CCDC83: variants seen among roughly 807,000 people sequenced by gnomAD.
The protein encoded by CCDC83 is coiled-coil domain-containing protein 83.
Under a neutral mutation model 50.1 loss-of-function variants are expected in CCDC83, and 54 were observed. The observed-to-expected ratio is 1.08, with a 90% CI of 0.87 to 1.35. The LOEUF is 1.35. Ranked by LOEUF, CCDC83 falls within the 40% of genes most tolerant of loss-of-function variation. The probability of loss-of-function intolerance (pLI) is 0.00; values close to 1 mark genes in which losing one functional copy is unlikely to be tolerated. For missense variants in CCDC83, 518 were observed against 473.9 expected (o/e 1.09, Z -0.86); for synonymous variants, 161 against 153.3 (o/e 1.05, Z -0.37).
rs779218488 is a variant in CCDC83, at chr11:85,886,276, C to T, written c.420C>T (p.Tyr140=). The change falls in exon 5 of 11, where the codon TAC becomes TAT. Residue 140 remains tyrosine, a synonymous_variant. Transcript: ENST00000342404. Reference sequence around the variant, plus strand: ...GTGAAAAGGAATATTGGGAGGAGTACAAGAATGTAGGGAGTGAACGACATG... The same window carrying T: ...GTGAAAAGGAATATTGGGAGGAGTATAAGAATGTAGGGAGTGAACGACATG... ...KLSEKEYWEE[Y]KNVGSERHAK... The T allele has an allele frequency of 5.6e-6, 9 of 1,609,280 alleles. No homozygotes were observed. Among genetic ancestry groups the T allele is most frequent in the South Asian group, 4.4e-5 (4 of 90,218 alleles).
intron 7 of CCDC83, among the ~76,000 whole-genome samples, chr11:85,910,538 T>C (rs150967914): frequency 1.4e-3 from 209 of 152,372 alleles, no homozygotes; most frequent in African/African-American, 4.8e-3. Context: ...CCCAGTGTTA[T>C]TGGTTTTCAT....
intron 1 of CCDC83, among the ~76,000 whole-genome samples, chr11:85,864,657 C>T (rs1012965377): frequency 1.3e-5 from 2 of 152,126 alleles, no homozygotes; most frequent in South Asian, 2.1e-4. Context: ...ATTCTTAAGT[C>T]TTTTGGATCC....
At chr11:85,911,445 T>C (rs773306677) in intron 8 of CCDC83, 43 bp downstream of exon 8, 1 of 1,482,888 alleles carries the variant, frequency 6.7e-7, no homozygotes, top group Non-Finnish European at 9.0e-7. Context: ...TAAACATTTG[T>C]ATCTGCTGTA....
chr11:85,875,265 C>G lies in CCDC83; in HGVS notation c.180+1970C>G, dbSNP rs905483940. Among the ~76,000 whole-genome samples the G allele has an allele frequency of 1.1e-4, 16 of 152,332 alleles. No individual in the cohort carries two copies. In the East Asian group the frequency reaches 2.9e-3, roughly 28 times the overall value. ...AAATAGGTGAAGGATGAGGACCAAT[C>G]AGAGGAAAGCTCGCCAAACAGGAAG... On this transcript the variant is annotated intron_variant, in intron 3 of 10. Coordinates refer to ENST00000342404, the MANE Select transcript of CCDC83 (RefSeq NM_001286159.2).
intron 7 of CCDC83, among the ~76,000 whole-genome samples, chr11:85,900,046 C>T (rs2093393855): frequency 6.6e-6 from 1 of 152,028 alleles, no homozygotes; most frequent in Admixed American, 6.6e-5. Context: ...TTGGATGAAA[C>T]GAGAAGGTAT....
intron 3 of CCDC83, among the ~76,000 whole-genome samples, chr11:85,875,933 A>C (rs900627861): frequency 1.3e-5 from 2 of 152,116 alleles, no homozygotes; most frequent in African/African-American, 4.8e-5. Context: ...CTCTCCATTC[A>C]TTCTTTCATT....
intron 3 of CCDC83, among the ~76,000 whole-genome samples, chr11:85,875,163 G>C (rs186657982): frequency 6.6e-6 from 1 of 152,324 alleles, no homozygotes; most frequent in East Asian, 1.9e-4. Context: ...TGTGCTGATT[G>C]GTTTCTGAGC....
intron 2 of CCDC83, among the ~76,000 whole-genome samples, chr11:85,866,361 G>A (rs2093206640): frequency 7.4e-6 from 1 of 134,742 alleles, no homozygotes. Flanking sequence ...ATGAAGCATG[G>A]GAGACAGACA....
At chr11:85,903,511 C>A (rs960354701) in intron 7 of CCDC83, among the ~76,000 whole-genome samples, 2 of 151,838 alleles carry the variant, frequency 1.3e-5, no homozygotes, top group Non-Finnish European at 2.9e-5. Flanking sequence ...TCATGTTGAC[C>A]AGGCTGGTCT....
chr11:85,906,892 T>A (rs895257), intron 7 of CCDC83, among the ~76,000 whole-genome samples: 11,988 of 147,146 alleles, frequency 0.081, 765 homozygotes, highest in African/African-American at 0.13. Flanking sequence ...CTCAAAAAAT[T>A]AAATTAAATT....
intron 6 of CCDC83, 57 bp from the exon 7 acceptor site, chr11:85,898,890 C>A: frequency 8.6e-7 from 1 of 1,163,176 alleles, no homozygotes; most frequent in Non-Finnish European, 1.3e-6. Flanking sequence ...ATCACTATTG[C>A]TAAAATTGTG....
intron 2 of CCDC83, among the ~76,000 whole-genome samples, chr11:85,869,049 A>G (rs1426536657): frequency 6.6e-6 from 1 of 152,202 alleles, no homozygotes; most frequent in Non-Finnish European, 1.5e-5. Context: ...CATGAAAACA[A>G]ATACAATGTT....
chr11:85,898,406 C>A (rs1405296149), intron 6 of CCDC83, among the ~76,000 whole-genome samples: 3 of 152,036 alleles, frequency 2.0e-5, no homozygotes, highest in African/African-American at 7.3e-5. Flanking sequence ...ATTTTATGAA[C>A]CTACTGACAA....
chr11:85,909,566 T>C (rs2093442597), intron 7 of CCDC83, among the ~76,000 whole-genome samples: 1 of 147,868 alleles, frequency 6.8e-6, no homozygotes, highest in South Asian at 2.1e-4. Flanking sequence ...TATATACTCT[T>C]CCCACTATCA....
At position 85,916,216 on chromosome 11, in the gene CCDC83, G is replaced by A; in HGVS notation, c.1063G>A (p.Asp355Asn). 1 of 1,607,574 alleles carries A rather than the reference G, an allele frequency of 6.2e-7. No individual in the cohort carries two copies. Among genetic ancestry groups the A allele is most frequent in the South Asian group, 1.1e-5 (1 of 89,576 alleles). ...DTDMKYLLYE[D>N]EKDFKDYVNL... ...TGATATGAAGTACTTACTATATGAG[G>A]ATGAGAAGGATTTCAAGGTAAGATT... Residue 355 changes from aspartate to asparagine, a missense_variant, in exon 10 of 11, where the codon GAT (aspartate) becomes AAT (asparagine). Coordinates refer to ENST00000342404, the MANE Select transcript of CCDC83 (RefSeq NM_001286159.2).
In CCDC83 at chr11:85,868,695, A is replaced by AGAG. The variant is rs1174961025; in HGVS notation, c.95+3478_95+3480dup. Among the ~76,000 whole-genome samples the AGAG allele has an allele frequency of 3.3e-5, 5 of 152,282 alleles. No homozygotes were observed. In the East Asian group the frequency reaches 9.7e-4, roughly 29 times the overall value. ...GTTAGCCATGTTTGTTTATTTTTAT[A>AGAG]GAGACAGGGTCTCCCTATGTTGACC... On this transcript the variant is annotated intron_variant, in intron 2 of 10. Transcript: ENST00000342404.
chr11:85,878,455 G>C (rs181108818), intron 3 of CCDC83, among the ~76,000 whole-genome samples: 33 of 152,276 alleles, frequency 2.2e-4, no homozygotes, highest in African/African-American at 7.2e-4. Flanking sequence ...TTGGTACTTG[G>C]CTTTTTAAAA....
chr11:85,917,213 A>AGAAG lies in CCDC83; in HGVS notation c.1080+983_1080+984insGGAA, dbSNP rs1206565587. Among the ~76,000 whole-genome samples the AGAAG allele has an allele frequency of 7.7e-3, 876 of 114,264 alleles. 6 individuals carry two copies. The highest frequency in any genetic ancestry group is 0.012 in the African/African-American group (375 of 30,152). The allele number at this position is 114,264 out of a possible 152,430, so 75.0% of individuals were successfully genotyped here. A position where few individuals can be genotyped will look rare whatever the true frequency, so the allele number is the denominator to read the frequency against. On this transcript the variant is annotated intron_variant, in intron 10 of 10. Transcript: ENST00000342404. The stretch of plus-strand genomic sequence containing the variant: ...GAAAGAGAAAGAAAGAAAGAAGGAA[A>AGAAG]GAAAGAAAGAAAGAAAGAAAAGAAA...
intron 5 of CCDC83, among the ~76,000 whole-genome samples, chr11:85,889,952 A>G (rs1427256641): frequency 5.9e-5 from 9 of 152,344 alleles, no homozygotes; most frequent in Non-Finnish European, 4.4e-5. Context: ...TTGATCATCG[A>G]ATTCCAGTCT....
Sources: allele counts gnomAD v4.1 joint callset (sites outside exome capture counted in the v4.1 genomes callset), GRCh38; gene constraint gnomAD v4.1.1; transcripts MANE v1.5; gene names NCBI Gene and HGNC (gene_info 2026-07-23, HGNC 2026-07-21).